TMEM201: variants seen among roughly 807,000 people sequenced by gnomAD.
TMEM201 encodes the protein transmembrane protein 201.
TMEM201 carries 26 observed loss-of-function variants against 63.4 expected under a neutral mutation model. The ratio of observed to expected loss-of-function variants is 0.41; its 90% CI spans 0.30 to 0.57. The LOEUF (loss-of-function observed/expected upper bound fraction) is 0.57, where lower values mean the gene tolerates loss of function less well. Among genes scored for constraint, TMEM201 ranks in the 20% least tolerant of loss-of-function variants. The pLI, the probability that TMEM201 is intolerant of heterozygous loss-of-function variation, is 0.29. For synonymous variants in TMEM201, 417 were observed against 421.6 expected (o/e 0.99, Z 0.14); for missense variants, 794 against 917.7 (o/e 0.87, Z 1.74).
chr1:9,602,290 G>T lies in TMEM201; in HGVS notation c.1160+18G>T. The T allele has an allele frequency of 6.2e-7, 1 of 1,610,046 alleles. No individual in the cohort carries two copies. The highest frequency in any genetic ancestry group is 1.1e-5 in the South Asian group (1 of 90,768). ...CCCCGAAGGTCAGAGAAGCAGCCAT[G>T]ACTGCGGGGGGAGGACACACGGATG... On this transcript the variant is annotated intron_variant, in intron 6 of 10. Coordinates refer to ENST00000340381, the MANE Select transcript of TMEM201 (RefSeq NM_001130924.3).
chr1:9,589,363 G>C (rs1281181148), intron 1 of TMEM201, among the ~76,000 whole-genome samples: 1 of 152,164 alleles, frequency 6.6e-6, no homozygotes, highest in Non-Finnish European at 1.5e-5. Context: ...GCCCCGTGCT[G>C]GGCCCCGGTG....
At chr1:9,595,274 C>T (rs963752251) in intron 1 of TMEM201, among the ~76,000 whole-genome samples, 2 of 152,210 alleles carry the variant, frequency 1.3e-5, no homozygotes, top group Non-Finnish European at 2.9e-5. Flanking sequence ...CCAGCGAGGG[C>T]CACTGTCCTC....
chr1:9,590,396 G>T (rs907392123), intron 1 of TMEM201, among the ~76,000 whole-genome samples: 2 of 152,196 alleles, frequency 1.3e-5, no homozygotes, highest in Non-Finnish European at 2.9e-5. Flanking sequence ...AACCCAGGAT[G>T]GGGGGTGTTG....
At position 9,609,884 on chromosome 1, in the gene TMEM201, T is replaced by C; in HGVS notation, c.1438T>C (p.Ser480Pro). 6.4e-7 allele frequency: 1 copy of C among 1,551,354 alleles called. No individual in the cohort carries two copies. The highest frequency in any genetic ancestry group is 8.7e-7 in the Non-Finnish European group (1 of 1,146,914). The change falls in exon 8 of 11, where the codon TCT becomes CCT. Residue 480 changes from serine (S) to proline (P), a missense_variant. Ser to Pro is a moderately conservative substitution (Grantham distance 74). Transcript: ENST00000340381. Reference protein sequence around the residue: ...FSGSRPPSQVSRSGEFPVSDY... With the variant: ...FSGSRPPSQVPRSGEFPVSDY... Reference sequence around the variant, plus strand: ...CGGTAGCCGCCCACCATCTCAGGTGTCTCGATCTGGGGAGTTTCCTGTTTC... The same window carrying C: ...CGGTAGCCGCCCACCATCTCAGGTGCCTCGATCTGGGGAGTTTCCTGTTTC...
At chr1:9,602,688 C>T in intron 6 of TMEM201, 7 of 1,096,732 alleles carry the variant, frequency 6.4e-6, no homozygotes, top group African/African-American at 1.6e-5. Flanking sequence ...CTGCTGTCTT[C>T]CCTTCTGGCC....
chr1:9,597,542 C>A (rs1644048944), intron 3 of TMEM201, among the ~76,000 whole-genome samples: 1 of 152,210 alleles, frequency 6.6e-6, no homozygotes, highest in African/African-American at 2.4e-5. Flanking sequence ...TGCTGAGAGG[C>A]TTGGCATTAA....
chr1:9,607,515 C>T lies in TMEM201; in HGVS notation c.1161-42C>T, dbSNP rs991991069. 10 of 1,490,176 alleles carry T rather than the reference C, an allele frequency of 6.7e-6. No individual in the cohort carries two copies. Among genetic ancestry groups the T allele is most frequent in the Middle Eastern group, 1.7e-4 (1 of 5,748 alleles). The allele number at this position is 1,490,176 out of a possible 1,614,324, so 92.3% of individuals were successfully genotyped here. A position where few individuals can be genotyped will look rare whatever the true frequency, so the allele number is the denominator to read the frequency against. On this transcript the variant is annotated intron_variant, in intron 6 of 10. Coordinates refer to ENST00000340381, the MANE Select transcript of TMEM201 (RefSeq NM_001130924.3). This position sits in a 1 kb window ranked among gnomAD's most constrained non-coding sequence, Gnocchi z 5.4. ...CTGCAAGGCTGCCTCCAGGACCTCC[C>T]GCTGACCCTCTTCTTGTCCCGTGCC...
At position 9,611,694 on chromosome 1, in the gene TMEM201, G is replaced by A. The variant is rs865943924; in HGVS notation, c.1766-59G>A. ...CTTAGAGTGGAAGTACAGCTGCCCC[G>A]CGTCTGTCCCTGGAGGGAGCCATGA... On this transcript the variant is annotated intron_variant, in intron 9 of 10. Coordinates refer to ENST00000340381, the MANE Select transcript of TMEM201 (RefSeq NM_001130924.3). 89 of 1,548,318 alleles carry A rather than the reference G, an allele frequency of 5.7e-5. No individual in the cohort carries two copies. In the Middle Eastern group the frequency reaches 4.3e-3, roughly 76 times the overall value.
chr1:9,597,329 G>A (rs1382089062), intron 3 of TMEM201, among the ~76,000 whole-genome samples: 4 of 152,326 alleles, frequency 2.6e-5, no homozygotes, highest in South Asian at 4.1e-4. Flanking sequence ...TAGGAACACC[G>A]TGGAAACCCC....
intron 6 of TMEM201, chr1:9,602,983 C>A (rs1644175729): frequency 1.0e-6 from 1 of 985,478 alleles, no homozygotes; most frequent in African/African-American, 1.7e-5. Context: ...TGGCCTTCGC[C>A]ATGAGTTTGG....
At position 9,613,354 on chromosome 1, in the gene TMEM201, G is replaced by A. The variant is rs1644351206; in HGVS notation, c.*271G>A. The A allele has an allele frequency of 3.7e-6, 2 of 534,928 alleles. No homozygotes were observed. The highest frequency in any genetic ancestry group is 6.7e-6 in the Non-Finnish European group (2 of 296,444). 33.1% of individuals were successfully genotyped at this position (534,928 alleles called of 1,614,324 possible). ...GCTGACACTCTGATCCCGAAGCCAG[G>A]GAGCCCCAAGGGGCTGCATGACCCT... On this transcript the variant is annotated 3_prime_UTR_variant, in exon 11 of 11. Transcript: ENST00000340381.
rs1644314391 is a variant in TMEM201, at chr1:9,610,837, G to C, written c.1765+32G>C. The stretch of plus-strand genomic sequence containing the variant: ...CCTTCTGACCACCCCAAGGGGCCGT[G>C]GGAGGGCCTCTGCTGCCAAGAGGCC... On this transcript the variant is annotated intron_variant, in intron 9 of 10. Transcript: ENST00000340381. The surrounding 1 kb of genome is among the most constrained non-coding windows in gnomAD (Gnocchi z 4.9). 1 of 1,510,514 alleles carries C rather than the reference G, an allele frequency of 6.6e-7. No homozygotes were observed. The highest frequency in any genetic ancestry group is 8.9e-7 in the Non-Finnish European group (1 of 1,124,166). The allele number at this position is 1,510,514 out of a possible 1,614,324, so 93.6% of individuals were successfully genotyped here.
At chr1:9,602,391 AC>A in intron 6 of TMEM201, 119 bp downstream of exon 6, 1 of 863,610 alleles carries the variant, frequency 1.2e-6, no homozygotes, top group Non-Finnish European at 1.7e-6. Context: ...ACGCCCTCCC[AC>A]CCCCACCCTA....
intron 4 of TMEM201, among the ~76,000 whole-genome samples, chr1:9,599,234 C>T (rs371112790): frequency 1.3e-4 from 20 of 152,092 alleles, no homozygotes; most frequent in African/African-American, 4.6e-4. Flanking sequence ...GCCACCATGC[C>T]TAGCCTTTTA....
rs1348352189 is a variant in TMEM201, at chr1:9,609,868, C to T, written c.1422C>T (p.Arg474=). The T allele has an allele frequency of 1.3e-6, 2 of 1,551,344 alleles. No homozygotes were observed. The highest frequency in any genetic ancestry group is 1.2e-5 in the South Asian group (1 of 84,060). The change falls in exon 8 of 11, where the codon CGC becomes CGT. Residue 474 remains arginine (R), a synonymous_variant. Transcript: ENST00000340381. ...ADSGYLFSGS[R]PPSQVSRSGE... is the part of the protein sequence containing the mutation. The stretch of plus-strand genomic sequence containing the variant: ...CCGGCTATCTGTTCAGCGGTAGCCG[C>T]CCACCATCTCAGGTGTCTCGATCTG...
intron 7 of TMEM201, among the ~76,000 whole-genome samples, chr1:9,609,505 A>AT (rs1644291771): frequency 6.6e-6 from 1 of 152,136 alleles, no homozygotes. Flanking sequence ...GGAGTGGACA[A>AT]TATGCCCAGT....
At chr1:9,594,682 C>G (rs1226050923) in intron 1 of TMEM201, among the ~76,000 whole-genome samples, 1 of 152,210 alleles carries the variant, frequency 6.6e-6, no homozygotes, top group African/African-American at 2.4e-5. Context: ...GCCCAGCCTC[C>G]CCCTCAGGCC....
chr1:9,604,310 C>T lies in TMEM201; in HGVS notation c.1160+2038C>T. On this transcript the variant is annotated intron_variant, in intron 6 of 10. Coordinates refer to ENST00000340381, the MANE Select transcript of TMEM201 (RefSeq NM_001130924.3). The surrounding 1 kb of genome is among the most constrained non-coding windows in gnomAD (Gnocchi z 4.1). The stretch of plus-strand genomic sequence containing the variant: ...GGATCCTCCTGCCGAGCTGATGTCG[C>T]TCCTGCCCTCTGCCGGGGTCCGGAA... 8 of 985,460 alleles carry T rather than the reference C, an allele frequency of 8.1e-6. No homozygotes were observed. The highest frequency in any genetic ancestry group is 9.6e-6 in the Non-Finnish European group (8 of 829,940). The allele number at this position is 985,460 out of a possible 1,614,324, so 61.0% of individuals were successfully genotyped here.
intron 1 of TMEM201, among the ~76,000 whole-genome samples, chr1:9,590,643 G>T (rs1441901915): frequency 3.9e-5 from 6 of 152,212 alleles, no homozygotes; most frequent in South Asian, 2.1e-4. Context: ...CTAGGAGGGT[G>T]CCTGGAAGTC....
Sources: gnomAD v4.1 joint callset for allele counts (sites outside exome capture counted in the v4.1 genomes callset) on GRCh38, gnomAD v4.1.1 for gene constraint, Gnocchi (gnomAD v3.1) non-coding constraint, MANE v1.5 for transcripts, NCBI Gene and HGNC (gene_info 2026-07-23, HGNC 2026-07-21) for gene names.